The following PANX1 variants were observed in gnomAD, a reference collection of about 807,000 sequenced individuals.
PANX1 encodes pannexin-1.
Under a neutral mutation model 38.7 loss-of-function variants are expected in PANX1, and 30 were observed. That is an observed-to-expected ratio of 0.78 (90% confidence interval 0.58 to 1.05). The LOEUF is 1.05. PANX1 is among the 50% of genes least tolerant of loss of function. The pLI, the probability that PANX1 is intolerant of heterozygous loss-of-function variation, is 0.00. For synonymous variants in PANX1, 230 were observed against 212.2 expected, an observed-to-expected ratio of 1.08 and a Z score of -0.73; for missense variants, 551 against 517.2, an observed-to-expected ratio of 1.07 and a Z score of -0.63.
At chr11:94,141,601 GT>G (rs901422827) in intron 1 of PANX1, among the ~76,000 whole-genome samples, 18 of 152,008 alleles carry the variant, frequency 1.2e-4, no homozygotes, top group African/African-American at 3.6e-4. Context: ...AAGCTAAAAT[GT>G]TTTTTTCAAA....
rs765217553 is a variant in PANX1, at chr11:94,180,872, AT to A, written c.*10del. ...GACTTCTGGATTCTTCTTGCTGATG[AT>A]TTTTTTCCTTGAGCTGTAAATCTGT... On this transcript the variant is annotated 3_prime_UTR_variant, in exon 5 of 5. Transcript: ENST00000227638. 9.6e-6 allele frequency: 15 copies of A among 1,555,880 alleles called. No homozygotes were observed. Among genetic ancestry groups the A allele is most frequent in the Non-Finnish European group, 1.3e-5 (15 of 1,127,106 alleles).
In PANX1 at chr11:94,181,223, C is replaced by A; in HGVS notation, c.*354C>A. 5.0e-6 allele frequency: 1 copy of A among 198,126 alleles called. No homozygotes were observed. The allele number at this position is 198,126 out of a possible 1,614,324, so 12.3% of individuals were successfully genotyped here. A position where few individuals can be genotyped will look rare whatever the true frequency, so the allele number is the denominator to read the frequency against. The stretch of plus-strand genomic sequence containing the variant: ...ACCCGTGGTGAGACAAGACCCAGAG[C>A]TACTGGAAAACAAGCACTTTGGAAG... On this transcript the variant is annotated 3_prime_UTR_variant, in exon 5 of 5. Coordinates refer to ENST00000227638, the MANE Select transcript of PANX1 (RefSeq NM_015368.4).
At chr11:94,179,553 G>T in intron 3 of PANX1, 49 bp from the exon 4 acceptor site, 1 of 1,364,490 alleles carries the variant, frequency 7.3e-7, no homozygotes, top group South Asian at 1.2e-5. Flanking sequence ...TTTAATATTT[G>T]ATGGTCTTGA....
At chr11:94,132,600 G>A (rs1254195306) in intron 1 of PANX1, among the ~76,000 whole-genome samples, 1 of 152,060 alleles carries the variant, frequency 6.6e-6, no homozygotes, top group African/African-American at 2.4e-5. Flanking sequence ...GTGTTGGGGG[G>A]GTGGTGTGTG....
intron 2 of PANX1, among the ~76,000 whole-genome samples, chr11:94,170,469 T>G (rs1339235350): frequency 6.6e-6 from 1 of 151,846 alleles, no homozygotes; most frequent in Non-Finnish European, 1.5e-5. Context: ...CAGCGCATAC[T>G]TGGGTTGCTT....
intron 2 of PANX1, among the ~76,000 whole-genome samples, chr11:94,158,779 C>T (rs1280738835): frequency 1.3e-5 from 2 of 152,182 alleles, no homozygotes; most frequent in Non-Finnish European, 2.9e-5. Context: ...GAACTTCCAA[C>T]ACTATGTTGA....
In PANX1 at chr11:94,159,848, T is replaced by G. The variant is rs546743743; in HGVS notation, c.321+6218T>G. Among the ~76,000 whole-genome samples the G allele has an allele frequency of 2.2e-4, 34 of 152,116 alleles. No homozygotes were observed. The East Asian group carries it at 6.4e-3, about 29-fold the overall frequency. On this transcript the variant is annotated intron_variant, in intron 2 of 4. Transcript: ENST00000227638. Reference sequence around the variant, plus strand: ...GTGTCAATTTTAGATCTTTCCTGCTTTCTCTTGTGGGCATTTAGTGCTCTA... The same window carrying G: ...GTGTCAATTTTAGATCTTTCCTGCTGTCTCTTGTGGGCATTTAGTGCTCTA...
intron 1 of PANX1, 115 bp downstream of exon 1, chr11:94,129,608 T>C: frequency 5.3e-6 from 5 of 951,504 alleles, no homozygotes; most frequent in Non-Finnish European, 7.7e-6. Flanking sequence ...GTCGTGAGCG[T>C]CAGGAAGGGC....
At chr11:94,147,752 T>G (rs544028754) in intron 1 of PANX1, among the ~76,000 whole-genome samples, 29 of 152,312 alleles carry the variant, frequency 1.9e-4, no homozygotes, top group African/African-American at 6.0e-4. Flanking sequence ...ACCACGCGTT[T>G]GGCAGGTACA....
At chr11:94,180,545 C>T (rs1947293975) in intron 4 of PANX1, among the ~76,000 whole-genome samples, 8 of 152,188 alleles carry the variant, frequency 5.3e-5, no homozygotes, top group Admixed American at 5.2e-4. Flanking sequence ...CAGCAATCTT[C>T]CTTGTCTTTC....
rs1947305693 is a variant in PANX1, at chr11:94,181,446, T to G, written c.*577T>G. 1 of 152,716 alleles carries G rather than the reference T, an allele frequency of 6.5e-6. No individual in the cohort carries two copies. Among genetic ancestry groups the G allele is most frequent in the Non-Finnish European group, 1.5e-5 (1 of 68,386 alleles). 9.5% of individuals were successfully genotyped at this position (152,716 alleles called of 1,614,324 possible). On this transcript the variant is annotated 3_prime_UTR_variant, in exon 5 of 5. Transcript: ENST00000227638. ...CTCTTTACATTGTTAGTTGTCAACC[T>G]TGGCTGATGGAAATCCCGTAACCAC...
chr11:94,129,256 G>T lies in PANX1; in HGVS notation c.-57G>T. 6.7e-7 allele frequency: 1 copy of T among 1,503,226 alleles called. No individual in the cohort carries two copies. The highest frequency in any genetic ancestry group is 9.1e-7 in the Non-Finnish European group (1 of 1,103,628). The allele number at this position is 1,503,226 out of a possible 1,614,324, so 93.1% of individuals were successfully genotyped here. A position where few individuals can be genotyped will look rare whatever the true frequency, so the allele number is the denominator to read the frequency against. On this transcript the variant is annotated 5_prime_UTR_variant, in exon 1 of 5. Transcript: ENST00000227638. ...GGTGACTGGGTGAAGGCGCCGCGCAGCTTTCCCGACGCCGGCTGTACCCGG... is the reference window on the plus strand; with the variant it reads ...GGTGACTGGGTGAAGGCGCCGCGCATCTTTCCCGACGCCGGCTGTACCCGG...
chr11:94,162,419 T>TG (rs1947053092), intron 2 of PANX1, among the ~76,000 whole-genome samples: 1 of 152,198 alleles, frequency 6.6e-6, no homozygotes, highest in South Asian at 2.1e-4. Flanking sequence ...TCAGCAATGG[T>TG]GGACGCCCCT....
intron 2 of PANX1, among the ~76,000 whole-genome samples, chr11:94,173,530 AG>A (rs1409608910): frequency 6.6e-6 from 1 of 151,572 alleles, no homozygotes; most frequent in Non-Finnish European, 1.5e-5. Context: ...TTTCACCTGA[AG>A]GTTCCACCCC....
At chr11:94,135,235 T>TC (rs1230693198) in intron 1 of PANX1, among the ~76,000 whole-genome samples, 3 of 152,194 alleles carry the variant, frequency 2.0e-5, no homozygotes, top group Non-Finnish European at 4.4e-5. Context: ...GCAGCCACCG[T>TC]TCTGGGTAGA....
chr11:94,152,564 G>C (rs1946894630), intron 1 of PANX1, among the ~76,000 whole-genome samples: 1 of 151,714 alleles, frequency 6.6e-6, no homozygotes, highest in Admixed American at 6.6e-5. Flanking sequence ...GTGCCAGGTG[G>C]GGACAGGGGA....
chr11:94,133,136 G>A (rs1049270693), intron 1 of PANX1, among the ~76,000 whole-genome samples: 3 of 152,242 alleles, frequency 2.0e-5, no homozygotes, highest in African/African-American at 7.2e-5. Context: ...CCTGCTGGGT[G>A]CCAGCATGGT....
At chr11:94,153,737 C>T in intron 2 of PANX1, 107 bp downstream of exon 2, 2 of 1,026,538 alleles carry the variant, frequency 1.9e-6, no homozygotes, top group South Asian at 1.6e-5. Context: ...CCAACCAGTG[C>T]TGTATCTCAG....
intron 1 of PANX1, among the ~76,000 whole-genome samples, chr11:94,144,467 A>AC (rs1427224438): frequency 6.6e-6 from 1 of 151,432 alleles, no homozygotes; most frequent in Non-Finnish European, 1.5e-5. Context: ...AGTCCCCTCC[A>AC]CCCTGTCAGC....
Sources: allele counts gnomAD v4.1 joint callset (sites outside exome capture counted in the v4.1 genomes callset), GRCh38; gene constraint gnomAD v4.1.1; transcripts MANE v1.5; gene names NCBI Gene and HGNC (gene_info 2026-07-23, HGNC 2026-07-21).